DACH1: variants seen among roughly 807,000 people sequenced by gnomAD.
DACH1 encodes dachshund family transcription factor 1, also known as dachshund homolog 1.
In DACH1, 12 loss-of-function variants were observed where a neutral mutation model predicts 54.2. The ratio of observed to expected loss-of-function variants is 0.22; its 90% CI spans 0.14 to 0.36. DACH1 has a LOEUF of 0.36. DACH1 is among the 10% of genes least tolerant of loss of function. The pLI, the probability that DACH1 is intolerant of heterozygous loss-of-function variation, is 1.00. For missense variants in DACH1, 805 were observed against 929.8 expected, an observed-to-expected ratio of 0.87 and a Z score of 1.75; for synonymous variants, 386 against 366.2, an observed-to-expected ratio of 1.05 and a Z score of -0.62.
rs1233767554 is a variant in DACH1, at chr13:71,863,775, A to AT, written c.848+2146dup. 4.0e-5 allele frequency among the ~76,000 whole-genome samples: 6 copies of AT among 150,994 alleles called. No homozygotes were observed. The Admixed American group carries it at 4.0e-4, about 10-fold the overall frequency. The stretch of plus-strand genomic sequence containing the variant: ...TCATTGAAGAAAGTTTTCTCCAGTA[A>AT]TTTTTTGTGTTTACGTGTGTGTATG... On this transcript the variant is annotated intron_variant, in intron 1 of 10. Coordinates refer to ENST00000613252, the MANE Select transcript of DACH1 (RefSeq NM_080759.6).
chr13:71,763,040 G>A (rs1048207339), intron 1 of DACH1, among the ~76,000 whole-genome samples: 1 of 152,042 alleles, frequency 6.6e-6, no homozygotes, highest in African/African-American at 2.4e-5. Context: ...TGCTTTGACT[G>A]GTATCTTAAC....
At position 71,439,098 on chromosome 13, in the gene DACH1, A is replaced by T. The variant is rs1038321226; in HGVS notation, c.*1557T>A. The T allele has an allele frequency of 6.6e-6, 1 of 152,398 alleles. No individual in the cohort carries two copies. Among genetic ancestry groups the T allele is most frequent in the Non-Finnish European group, 1.5e-5 (1 of 67,888 alleles). The allele number at this position is 152,398 out of a possible 1,614,324, so 9.4% of individuals were successfully genotyped here. On this transcript the variant is annotated 3_prime_UTR_variant, in exon 11 of 11. Transcript: ENST00000613252. ...ATCAAGTAATTAATACCCAATCAGA[A>T]CTATATTTAAACATTTTAAGCTAGT...
intron 2 of DACH1, among the ~76,000 whole-genome samples, chr13:71,656,853 T>C (rs1043013832): frequency 2.1e-5 from 3 of 145,234 alleles, no homozygotes; most frequent in African/African-American, 7.5e-5. Context: ...TAGACAGATA[T>C]AGATAGACAG....
chr13:71,456,838 GT>G (rs1875606118), intron 10 of DACH1, among the ~76,000 whole-genome samples: 1 of 152,016 alleles, frequency 6.6e-6, no homozygotes, highest in African/African-American at 2.4e-5. Flanking sequence ...GTTCAAAGCT[GT>G]ATAGCCATCT....
At chr13:71,602,023 G>A (rs1874532280) in intron 3 of DACH1, among the ~76,000 whole-genome samples, 1 of 151,970 alleles carries the variant, frequency 6.6e-6, no homozygotes. Flanking sequence ...CTTGGCTCAT[G>A]CAAATATATT....
At chr13:71,808,751 A>G (rs1353436133) in intron 1 of DACH1, among the ~76,000 whole-genome samples, 1 of 152,188 alleles carries the variant, frequency 6.6e-6, no homozygotes, top group African/African-American at 2.4e-5. Flanking sequence ...AAAAAATGCA[A>G]GTAAGACACT....
At chr13:71,694,073 T>C (rs1025270010) in intron 1 of DACH1, among the ~76,000 whole-genome samples, 2 of 152,182 alleles carry the variant, frequency 1.3e-5, no homozygotes, top group African/African-American at 2.4e-5. Flanking sequence ...TTCCCACTTA[T>C]GAATGCAGAG....
chr13:71,744,006 C>T (rs1476747778), intron 1 of DACH1, among the ~76,000 whole-genome samples: 1 of 152,052 alleles, frequency 6.6e-6, no homozygotes, highest in Non-Finnish European at 1.5e-5. Context: ...CATGCCCAAA[C>T]CTCAATACCA....
At chr13:71,840,155 C>A (rs1888960068) in intron 1 of DACH1, among the ~76,000 whole-genome samples, 1 of 151,992 alleles carries the variant, frequency 6.6e-6, no homozygotes, top group African/African-American at 2.4e-5. Context: ...ACTGTGTTGG[C>A]TAGGCTGGTC....
chr13:71,722,456 G>A (rs1883272228), intron 1 of DACH1, among the ~76,000 whole-genome samples: 1 of 152,180 alleles, frequency 6.6e-6, no homozygotes, highest in African/African-American at 2.4e-5. Context: ...AAAGAAAGCA[G>A]TGGTTGGTTA....
intron 4 of DACH1, among the ~76,000 whole-genome samples, chr13:71,564,295 C>A (rs1461986716): frequency 1.3e-5 from 2 of 151,872 alleles, no homozygotes; most frequent in African/African-American, 2.4e-5. Context: ...CCTTTAACGT[C>A]CAATAAGGGG....
Position 71,439,174 on chromosome 13 carries a change from G to A in DACH1, c.*1481C>T, listed in dbSNP as rs111762831. On this transcript the variant is annotated 3_prime_UTR_variant, in exon 11 of 11. Coordinates refer to ENST00000613252, the MANE Select transcript of DACH1 (RefSeq NM_080759.6). ...GTTTTGTGGTAATAAATAATGTTACGATCATACAATTTTAAGATGACAGAA... is the reference window on the plus strand; with the variant it reads ...GTTTTGTGGTAATAAATAATGTTACAATCATACAATTTTAAGATGACAGAA... 0.033 allele frequency: 5,084 copies of A among 152,358 alleles called. 108 individuals are homozygous for A. The highest frequency in any genetic ancestry group is 0.078 in the Middle Eastern group (23 of 294). 9.4% of individuals were successfully genotyped at this position (152,358 alleles called of 1,614,324 possible).
chr13:71,586,487 C>T (rs1873286723), intron 3 of DACH1, among the ~76,000 whole-genome samples: 1 of 152,094 alleles, frequency 6.6e-6, no homozygotes, highest in Non-Finnish European at 1.5e-5. Flanking sequence ...TTATACACAT[C>T]AGCAGATAGG....
chr13:71,684,968 G>T (rs1881087224), intron 1 of DACH1, among the ~76,000 whole-genome samples: 1 of 152,194 alleles, frequency 6.6e-6, no homozygotes, highest in South Asian at 2.1e-4. Flanking sequence ...TAGAATAGAG[G>T]GTTTGGGAAA....
At chr13:71,712,735 A>C (rs886453171) in intron 1 of DACH1, among the ~76,000 whole-genome samples, 12 of 152,292 alleles carry the variant, frequency 7.9e-5, no homozygotes, top group Non-Finnish European at 1.5e-4. Context: ...CCCTTAATTT[A>C]AAATAAATAC....
At chr13:71,547,379 T>C (rs1883528828) in intron 6 of DACH1, among the ~76,000 whole-genome samples, 2 of 152,070 alleles carry the variant, frequency 1.3e-5, no homozygotes, top group Non-Finnish European at 2.9e-5. Flanking sequence ...TGGAGGAAAA[T>C]GGTGTTTAAA....
chr13:71,709,450 G>A (rs1219988237), intron 1 of DACH1, among the ~76,000 whole-genome samples: 1 of 151,922 alleles, frequency 6.6e-6, no homozygotes, highest in African/African-American at 2.4e-5. Flanking sequence ...TTGTCCCACC[G>A]AGACGTGAAT....
At chr13:71,489,552 T>C (rs936875174) in intron 6 of DACH1, among the ~76,000 whole-genome samples, 1 of 152,134 alleles carries the variant, frequency 6.6e-6, no homozygotes, top group Non-Finnish European at 1.5e-5. Flanking sequence ...GGGCTTTGTA[T>C]ATTAGGAAGC....
Position 71,573,514 on chromosome 13 carries a change from G to A in DACH1, c.1127-502C>T, listed in dbSNP as rs1195080058. The A allele has an allele frequency of 1.0e-5, 7 of 690,184 alleles. No individual in the cohort carries two copies. In the Admixed American group the frequency reaches 1.1e-4, roughly 11 times the overall value. 42.8% of individuals were successfully genotyped at this position (690,184 alleles called of 1,614,324 possible). ...ATGCGGGGGTGGGTTATAGAGGCCT[G>A]AGGTCCCTGGGATGGGGAAGAGGGC... On this transcript the variant is annotated intron_variant, in intron 3 of 10. Coordinates refer to ENST00000613252, the MANE Select transcript of DACH1 (RefSeq NM_080759.6).
Sources: gnomAD v4.1 joint callset for allele counts (sites outside exome capture counted in the v4.1 genomes callset) on GRCh38, gnomAD v4.1.1 for gene constraint, MANE v1.5 for transcripts, NCBI Gene and HGNC (gene_info 2026-07-23, HGNC 2026-07-21) for gene names.